The following CHD4 variants were observed in gnomAD, a reference collection of about 807,000 sequenced individuals.
CHD4 encodes the protein ATP-dependent chromatin remodeler CHD4.
In CHD4, 35 loss-of-function variants were observed where a neutral mutation model predicts 235.5. The observed-to-expected ratio is 0.15, with a 90% CI of 0.11 to 0.20. The LOEUF (loss-of-function observed/expected upper bound fraction) is 0.20. CHD4 is among the 10% of genes least tolerant of loss of function. The probability of loss-of-function intolerance (pLI) is 1.00; values close to 1 mark genes in which losing one functional copy is unlikely to be tolerated. For synonymous variants in CHD4, 900 were observed against 850.2 expected (o/e 1.06, Z -1.02); for missense variants, 1,329 against 2,432.3 (o/e 0.55, Z 9.54).
intron 2 of CHD4, among the ~76,000 whole-genome samples, chr12:6,605,597 T>C (rs1383677848): frequency 1.3e-5 from 2 of 152,036 alleles, no homozygotes; most frequent in East Asian, 1.9e-4. Context: ...AAGCCAAAAC[T>C]ATGTCCACTC....
At chr12:6,585,589 A>C (rs1453748907) in intron 25 of CHD4, among the ~76,000 whole-genome samples, 2 of 151,614 alleles carry the variant, frequency 1.3e-5, no homozygotes, top group Non-Finnish European at 2.9e-5. Context: ...GCCCAATTCT[A>C]ATCTTTAAAA....
intron 20 of CHD4, 38 bp from the exon 21 acceptor site, chr12:6,591,863 G>A (rs1948406866): frequency 6.2e-7 from 1 of 1,613,792 alleles, no homozygotes; most frequent in Non-Finnish European, 8.5e-7. Context: ...TTAAAAGAAA[G>A]CCCACATGGA....
At chr12:6,598,451 C>T (rs1462478107) in intron 10 of CHD4, 26 bp from the exon 11 acceptor site, 49 of 1,550,616 alleles carry the variant, frequency 3.2e-5, no homozygotes, top group Non-Finnish European at 3.4e-5. Flanking sequence ...ACAACTTAAT[C>T]TCAAATCATA....
Position 6,581,370 on chromosome 12 carries a change from T to A in CHD4, c.4700A>T (p.Glu1567Val). Reference sequence around the variant, plus strand: ...CTCTTCTTCTTTGAGGCTATTTTCCTCTATTTTTATCCCATCTTCTGCAGA... The same window carrying A: ...CTCTTCTTCTTTGAGGCTATTTTCCACTATTTTTATCCCATCTTCTGCAGA... ...VPPAEDGIKIEENSLKEEESI... is the reference protein window; with the variant it reads ...VPPAEDGIKIVENSLKEEESI... The change falls in exon 32 of 40, where the codon GAG (glutamate) becomes GTG (valine). Residue 1567 changes from glutamate to valine, a missense_variant. Coordinates refer to ENST00000544040, the MANE Select transcript of CHD4 (RefSeq NM_001273.5). 1 of 1,614,090 alleles carries A rather than the reference T, an allele frequency of 6.2e-7. No homozygotes were observed. Among genetic ancestry groups the A allele is most frequent in the Non-Finnish European group, 8.5e-7 (1 of 1,179,956 alleles).
In CHD4 at chr12:6,600,939, C is replaced by A; in HGVS notation, c.914G>T (p.Arg305Leu). ...KIKLGGFGSK[R>L]KRSSSEDDDL... is the part of the protein sequence containing the mutation. Reference sequence around the variant, plus strand: ...CTGGGCTCTCACCGAGGATCTCTTACGCTTGGAACCAAAACCTCCCAGCTT... The same window carrying A: ...CTGGGCTCTCACCGAGGATCTCTTAAGCTTGGAACCAAAACCTCCCAGCTT... The change falls in exon 7 of 40, where the codon CGT becomes CTT. Residue 305 changes from arginine (R) to leucine (L), a missense_variant. Arg to Leu is a moderately radical substitution (Grantham distance 102). Around this residue, in one of 26 missense-constraint regions of CHD4, gnomAD observed 160 missense variants for 196.6 expected, o/e 0.81. Transcript: ENST00000544040. The A allele has an allele frequency of 6.3e-7, 1 of 1,594,362 alleles. No homozygotes were observed. Among genetic ancestry groups the A allele is most frequent in the South Asian group, 1.1e-5 (1 of 87,676 alleles).
rs1310931317 is a variant in CHD4, at chr12:6,593,132, T to C, written c.2611A>G (p.Ile871Val). ...ILGSIDWACLIVDEAHRLKNN... is the reference protein window; with the variant it reads ...ILGSIDWACLVVDEAHRLKNN... Reference sequence around the variant, plus strand: ...TTCAGCCGATGGGCTTCATCCACGATGAGGCAGGCCCAATCAATAGAGCCC... The same window carrying C: ...TTCAGCCGATGGGCTTCATCCACGACGAGGCAGGCCCAATCAATAGAGCCC... The change falls in exon 17 of 40, where the codon ATC becomes GTC. Residue 871 changes from isoleucine (I) to valine (V), a missense_variant. Ile to Val is a conservative substitution (Grantham distance 29, BLOSUM62 3). Coordinates refer to ENST00000544040, the MANE Select transcript of CHD4 (RefSeq NM_001273.5). This position sits in a 1 kb window ranked among gnomAD's most constrained non-coding sequence, Gnocchi z 4.9. The C allele has an allele frequency of 1.9e-6, 3 of 1,614,190 alleles. No homozygotes were observed. Among genetic ancestry groups the C allele is most frequent in the Admixed American group, 3.3e-5 (2 of 60,018 alleles).
chr12:6,596,693 G>A lies in CHD4; in HGVS notation c.1893-556C>T, dbSNP rs528869914. ...CAGGTGCCTGTAATCCCAGCTACTC[G>A]GGAAGCTGAAGCAGGAGAATTGCTT... On this transcript the variant is annotated intron_variant, in intron 12 of 39. Transcript: ENST00000544040. Among the ~76,000 whole-genome samples, 28 of 152,134 alleles carry A rather than the reference G, an allele frequency of 1.8e-4. No homozygotes were observed. The South Asian group carries it at 4.4e-3, about 24-fold the overall frequency.
chr12:6,602,332 C>T (rs1015031500), intron 3 of CHD4, 44 bp downstream of exon 3: 1 of 1,610,618 alleles, frequency 6.2e-7, no homozygotes, highest in African/African-American at 1.3e-5. Flanking sequence ...CAGAGCTCCT[C>T]CCTTCTTCCT....
rs773003594 is a variant in CHD4, at chr12:6,592,770, C to G, written c.2700G>C (p.Leu900=). 1.9e-6 allele frequency: 3 copies of G among 1,613,804 alleles called. No homozygotes were observed. In the Admixed American group the frequency reaches 5.0e-5, roughly 27 times the overall value. The change falls in exon 18 of 40, where the codon CTG becomes CTC. Residue 900 remains leucine (L), a synonymous_variant. Transcript: ENST00000544040. ...GATTGTTTTGTAATGGTGTCCCAGT[C>G]AGCAACAGCTTGTGCTGGAGTGAGT... ...NGYSLQHKLL[L]TGTPLQNNLE...
At position 6,585,449 on chromosome 12, in the gene CHD4, A is replaced by G. The variant is rs561070676; in HGVS notation, c.3879+1935T>C. ...CAGGCGCCCGCCACCACGCCCAGCT[A>G]ATTTTTGTATTTTTAGTAGAGACGG... On this transcript the variant is annotated intron_variant, in intron 25 of 39. Coordinates refer to ENST00000544040, the MANE Select transcript of CHD4 (RefSeq NM_001273.5). Among the ~76,000 whole-genome samples, 24 of 151,098 alleles carry G rather than the reference A, an allele frequency of 1.6e-4. No individual in the cohort carries two copies. The East Asian group carries it at 4.2e-3, about 26-fold the overall frequency.
chr12:6,584,666 G>C (rs1360416587), intron 25 of CHD4: 1 of 152,212 alleles, frequency 6.6e-6, no homozygotes, highest in Non-Finnish European at 1.5e-5. Context: ...TTCTAGGCAT[G>C]AGCCACCGTG....
intron 33 of CHD4, 83 bp from the exon 34 acceptor site, chr12:6,579,000 C>T (rs1948122543): frequency 6.1e-6 from 8 of 1,301,174 alleles, no homozygotes; most frequent in South Asian, 6.1e-5. Context: ...TTGGATAGAC[C>T]CACATCTAAA....
intron 10 of CHD4, 113 bp downstream of exon 10, chr12:6,599,660 T>A: frequency 7.5e-7 from 1 of 1,340,570 alleles, no homozygotes; most frequent in Non-Finnish European, 1.0e-6. Context: ...GAGAATACCT[T>A]TCTCAGGGCT....
intron 22 of CHD4, among the ~76,000 whole-genome samples, chr12:6,590,800 G>A (rs1332190507): frequency 2.0e-5 from 3 of 152,026 alleles, no homozygotes; most frequent in Admixed American, 6.6e-5. Flanking sequence ...CTCCAGCCTC[G>A]GCAACAGAGT....
At chr12:6,582,821 C>G (rs1272182936) in intron 28 of CHD4, 27 bp downstream of exon 28, 11 of 1,613,920 alleles carry the variant, frequency 6.8e-6, no homozygotes, top group Non-Finnish European at 7.6e-6. Context: ...TGACACTCAC[C>G]CCTCCTTAGA....
chr12:6,590,719 G>A (rs1470178324), intron 22 of CHD4, among the ~76,000 whole-genome samples: 1 of 152,126 alleles, frequency 6.6e-6, no homozygotes, highest in Non-Finnish European at 1.5e-5. Flanking sequence ...TAGTTGGGAG[G>A]CTGAAGCAGC....
At chr12:6,576,718 G>A (rs975539036) in intron 37 of CHD4, among the ~76,000 whole-genome samples, 1 of 152,120 alleles carries the variant, frequency 6.6e-6, no homozygotes, top group Non-Finnish European at 1.5e-5. Flanking sequence ...CGATTCTGGA[G>A]AACTTTCTTA....
At chr12:6,575,407 G>A (rs1044854461) in intron 37 of CHD4, among the ~76,000 whole-genome samples, 5 of 142,722 alleles carry the variant, frequency 3.5e-5, no homozygotes, top group African/African-American at 8.0e-5. Flanking sequence ...AGGAAATGTC[G>A]CCACTGCACT....
rs1009754470 is a variant in CHD4, at chr12:6,600,129, T to C, written c.1242+88A>G. On this transcript the variant is annotated intron_variant, in intron 9 of 39. Transcript: ENST00000544040. The stretch of plus-strand genomic sequence containing the variant: ...AAGCTCACAACCCGCAGCACCAGCA[T>C]TTCCATTTCCATCCAGGCCCCGAAG... The C allele has an allele frequency of 1.8e-5, 27 of 1,474,668 alleles. No individual in the cohort carries two copies. The African/African-American group carries it at 3.6e-4, about 19-fold the overall frequency. The allele number at this position is 1,474,668 out of a possible 1,614,324, so 91.3% of individuals were successfully genotyped here. A position where few individuals can be genotyped will look rare whatever the true frequency, so the allele number is the denominator to read the frequency against.
Sources: gnomAD v4.1 joint callset for allele counts (sites outside exome capture counted in the v4.1 genomes callset) on GRCh38, gnomAD v4.1.1 for gene constraint, gnomAD v4.1.1 regional missense constraint, Gnocchi (gnomAD v3.1) non-coding constraint, MANE v1.5 for transcripts, NCBI Gene and HGNC (gene_info 2026-07-23, HGNC 2026-07-21) for gene names.